ZNF713: variants seen among roughly 807,000 people sequenced by gnomAD.
The protein encoded by ZNF713 is zinc finger protein 713.
In ZNF713, 21 loss-of-function variants were observed where a neutral mutation model predicts 28.7. That is an observed-to-expected ratio of 0.73 (90% CI 0.52 to 1.05). ZNF713 has a LOEUF of 1.05. Ranked by LOEUF, ZNF713 falls within the 50% of genes least tolerant of loss-of-function variation. The pLI, the probability that ZNF713 is intolerant of heterozygous loss-of-function variation, is 0.00. For synonymous variants in ZNF713, 167 were observed against 178.0 expected, an observed-to-expected ratio of 0.94 and a Z score of 0.49; for missense variants, 458 against 532.4, an observed-to-expected ratio of 0.86 and a Z score of 1.37.
At chr7:55,910,809 G>C (rs1463567055) in intron 2 of ZNF713, among the ~76,000 whole-genome samples, 1 of 152,030 alleles carries the variant, frequency 6.6e-6, no homozygotes, top group Non-Finnish European at 1.5e-5. Context: ...CTGCGCCCCA[G>C]CTTCTACCCA....
At chr7:55,923,821 A>T in intron 6 of ZNF713, 122 bp downstream of exon 6, 1 of 630,912 alleles carries the variant, frequency 1.6e-6, no homozygotes. Context: ...TTTTGAAAAA[A>T]ATCAGTTCAT....
intron 1 of ZNF713, among the ~76,000 whole-genome samples, chr7:55,891,194 G>GT (rs1480074240): frequency 1.3e-5 from 2 of 152,088 alleles, no homozygotes; most frequent in Non-Finnish European, 2.9e-5. Context: ...AAATAATTCA[G>GT]TTTCAACATT....
intron 4 of ZNF713, among the ~76,000 whole-genome samples, chr7:55,922,697 G>T (rs116931956): frequency 1.2e-4 from 18 of 152,082 alleles, no homozygotes; most frequent in African/African-American, 4.1e-4. Flanking sequence ...TTTAGCAATT[G>T]AATGTTTTAA....
chr7:55,938,145 G>A (rs534483622), intron 6 of ZNF713, among the ~76,000 whole-genome samples: 78 of 150,766 alleles, frequency 5.2e-4, no homozygotes, highest in African/African-American at 1.1e-3. Context: ...TGGAGGTTGC[G>A]GTGAGCCAAG....
chr7:55,893,281 T>G (rs1471436443), intron 1 of ZNF713, among the ~76,000 whole-genome samples: 1 of 152,150 alleles, frequency 6.6e-6, no homozygotes, highest in Non-Finnish European at 1.5e-5. Flanking sequence ...TGCTTAGGAA[T>G]GGACATCCAT....
intron 1 of ZNF713, among the ~76,000 whole-genome samples, chr7:55,903,621 C>G (rs73132854): frequency 6.7e-6 from 1 of 148,916 alleles, no homozygotes; most frequent in African/African-American, 2.5e-5. Context: ...CAGCCGAGAT[C>G]GTGCCCCTGC....
intron 1 of ZNF713, among the ~76,000 whole-genome samples, chr7:55,896,319 G>C (rs573630829): frequency 1.3e-5 from 2 of 152,292 alleles, no homozygotes; most frequent in East Asian, 3.9e-4. Context: ...ACTGGATACT[G>C]TAAGGCTAAA....
intron 6 of ZNF713, among the ~76,000 whole-genome samples, chr7:55,931,362 T>C (rs934372934): frequency 3.3e-5 from 5 of 152,218 alleles, no homozygotes; most frequent in Non-Finnish European, 7.3e-5. Context: ...TCTGACATTT[T>C]CTGTCTTTTT....
At chr7:55,888,712 G>A (rs1052802504) in intron 1 of ZNF713, among the ~76,000 whole-genome samples, 22 of 146,454 alleles carry the variant, frequency 1.5e-4, no homozygotes, top group African/African-American at 5.6e-4. Flanking sequence ...TGCCCTGACA[G>A]TTTCTGCACT....
Position 55,940,169 on chromosome 7 carries a change from C to A in ZNF713, c.*163C>A. 2 of 1,255,690 alleles carry A rather than the reference C, an allele frequency of 1.6e-6. No individual in the cohort carries two copies. Among genetic ancestry groups the A allele is most frequent in the East Asian group, 5.4e-5 (2 of 37,382 alleles). The allele number at this position is 1,255,690 out of a possible 1,614,324, so 77.8% of individuals were successfully genotyped here. A position where few individuals can be genotyped will look rare whatever the true frequency, so the allele number is the denominator to read the frequency against. On this transcript the variant is annotated 3_prime_UTR_variant, in exon 7 of 7. Transcript: ENST00000429591. ...ACTGAGTCTCACTCTGTCACCCAGG[C>A]TGAAGTGCAGTGGTACAATCTTGGC...
At chr7:55,927,896 C>CAAAAAAA (rs71533249) in intron 6 of ZNF713, among the ~76,000 whole-genome samples, 12,792 of 44,912 alleles carry the variant, frequency 0.28, 4,414 homozygotes, top group Non-Finnish European at 0.34. Flanking sequence ...GACTCTGTCT[C>CAAAAAAA]AAAAAAAAAA....
chr7:55,901,703 C>T (rs1277230002), intron 1 of ZNF713, among the ~76,000 whole-genome samples: 3 of 152,192 alleles, frequency 2.0e-5, no homozygotes, highest in Admixed American at 2.0e-4. Flanking sequence ...CAACCCTCCA[C>T]CCCTTGCCCA....
At chr7:55,902,413 C>A (rs1785595674) in intron 1 of ZNF713, among the ~76,000 whole-genome samples, 1 of 152,182 alleles carries the variant, frequency 6.6e-6, no homozygotes, top group African/African-American at 2.4e-5. Flanking sequence ...TGGTTACTTG[C>A]TCCTGCATTG....
intron 2 of ZNF713, among the ~76,000 whole-genome samples, chr7:55,906,967 CTTTT>C (rs1395361336): frequency 6.6e-6 from 1 of 152,168 alleles, no homozygotes; most frequent in Admixed American, 6.5e-5. Context: ...TTTGGAAAGA[CTTTT>C]TATGTTACAG....
intron 4 of ZNF713, 143 bp from the exon 5 acceptor site, chr7:55,923,019 A>C (rs1786022187): frequency 1.2e-6 from 1 of 814,054 alleles, no homozygotes. Flanking sequence ...TTTTTAAAAG[A>C]AAAGTTTGAC....
intron 2 of ZNF713, among the ~76,000 whole-genome samples, chr7:55,910,695 C>G (rs1009054497): frequency 6.6e-6 from 1 of 152,112 alleles, no homozygotes; most frequent in Non-Finnish European, 1.5e-5. Flanking sequence ...AGGGCCTCAT[C>G]ATGTTGCCCT....
chr7:55,900,084 G>C (rs1785545550), intron 1 of ZNF713, among the ~76,000 whole-genome samples: 1 of 152,152 alleles, frequency 6.6e-6, no homozygotes, highest in Non-Finnish European at 1.5e-5. Context: ...GTATGCCAAA[G>C]CGATATCTGT....
At chr7:55,888,428 G>A (rs1278772468) in intron 1 of ZNF713, among the ~76,000 whole-genome samples, 1 of 152,068 alleles carries the variant, frequency 6.6e-6, no homozygotes, top group Non-Finnish European at 1.5e-5. Flanking sequence ...TATCACCCAG[G>A]CTGCAGTGCA....
chr7:55,939,923 A>G lies in ZNF713; in HGVS notation c.1249A>G (p.Arg417Gly), dbSNP rs745568229. 1 of 1,613,784 alleles carries G rather than the reference A, an allele frequency of 6.2e-7. No homozygotes were observed. Among genetic ancestry groups the G allele is most frequent in the South Asian group, 1.1e-5 (1 of 91,028 alleles). Residue 417 changes from arginine to glycine, a missense_variant, in exon 7 of 7, where the codon AGG becomes GGG. Coordinates refer to ENST00000429591, the MANE Select transcript of ZNF713 (RefSeq NM_182633.3). ...FSQSAHLNQHRKIHTREKLCE... is the reference protein window; with the variant it reads ...FSQSAHLNQHGKIHTREKLCE... ...CCAGAGTGCACACCTTAATCAACAC[A>G]GGAAAATCCATACTCGGGAGAAATT... is the stretch of plus-strand genomic sequence containing the variant.
Sources: allele counts gnomAD v4.1 joint callset (sites outside exome capture counted in the v4.1 genomes callset), GRCh38; gene constraint gnomAD v4.1.1; transcripts MANE v1.5; gene names NCBI Gene and HGNC (gene_info 2026-07-23, HGNC 2026-07-21).